CEP120: variants seen among roughly 807,000 people sequenced by gnomAD.
CEP120 encodes centrosomal protein 120, also known as centrosomal protein of 120 kDa.
CEP120 carries 113 observed loss-of-function variants against 126.5 expected under a neutral mutation model. That is an observed-to-expected ratio of 0.89 (90% CI 0.77 to 1.04). The LOEUF (loss-of-function observed/expected upper bound fraction) is 1.04, where lower values mean the gene tolerates loss of function less well. CEP120 is among the 50% of genes least tolerant of loss of function. The pLI, the probability that CEP120 is intolerant of heterozygous loss-of-function variation, is 0.00. For synonymous variants in CEP120, 400 were observed against 394.3 expected, an observed-to-expected ratio of 1.01 and a Z score of -0.17; for missense variants, 1,230 against 1,155.7, an observed-to-expected ratio of 1.06 and a Z score of -0.93.
chr5:123,372,637 T>A lies in CEP120; in HGVS notation c.2481+13A>T. 6.2e-7 allele frequency: 1 copy of A among 1,611,082 alleles called. No individual in the cohort carries two copies. Among genetic ancestry groups the A allele is most frequent in the South Asian group, 1.1e-5 (1 of 90,906 alleles). On this transcript the variant is annotated intron_variant, in intron 17 of 19. Transcript: ENST00000306467. The stretch of plus-strand genomic sequence containing the variant: ...CTGGGACTAGTTAAACTGCACAAAA[T>A]TAACATGTGTACCTTTTCCAAGGTG...
chr5:123,402,936 C>A (rs1324552494), intron 4 of CEP120, among the ~76,000 whole-genome samples: 1 of 152,162 alleles, frequency 6.6e-6, no homozygotes, highest in Non-Finnish European at 1.5e-5. Flanking sequence ...GCTCTTCAGC[C>A]TTCCAATATG....
At chr5:123,379,771 A>G (rs1701115341) in intron 14 of CEP120, among the ~76,000 whole-genome samples, 2 of 152,094 alleles carry the variant, frequency 1.3e-5, no homozygotes, top group Admixed American at 1.3e-4. Context: ...ATCAAACTAC[A>G]TATAATTTTC....
chr5:123,349,930 T>A lies in CEP120; in HGVS notation c.2726+14A>T, dbSNP rs115044327. ...AACTTTGGCTTTTGAAAGAAACACTTTTAGTTATTATACCTGTTCAATTCA... is the reference window on the plus strand; with the variant it reads ...AACTTTGGCTTTTGAAAGAAACACTATTAGTTATTATACCTGTTCAATTCA... On this transcript the variant is annotated intron_variant, in intron 19 of 19. Coordinates refer to ENST00000306467, the MANE Select transcript of CEP120 (RefSeq NM_001375405.1). The A allele has an allele frequency of 6.1e-4, 981 of 1,607,622 alleles. 11 individuals carry two copies. In the African/African-American group the frequency reaches 0.012, roughly 20 times the overall value.
intron 2 of CEP120, among the ~76,000 whole-genome samples, chr5:123,417,373 A>C (rs1356861682): frequency 6.6e-6 from 1 of 152,174 alleles, no homozygotes; most frequent in Non-Finnish European, 1.5e-5. Context: ...TGTTTTCCAG[A>C]AGAAAATATA....
intron 18 of CEP120, among the ~76,000 whole-genome samples, chr5:123,355,425 C>T (rs1293952285): frequency 5.3e-5 from 8 of 152,150 alleles, no homozygotes; most frequent in Non-Finnish European, 1.2e-4. Flanking sequence ...GTTCCTATTT[C>T]TCCATATCCT....
At chr5:123,387,361 G>A (rs1226144946) in intron 9 of CEP120, among the ~76,000 whole-genome samples, 4 of 151,944 alleles carry the variant, frequency 2.6e-5, no homozygotes, top group African/African-American at 7.2e-5. Context: ...TGTCATTTCC[G>A]AGGAAAGTTA....
At chr5:123,422,478 T>A in intron 1 of CEP120, 1 of 1,531,704 alleles carries the variant, frequency 6.5e-7, no homozygotes, top group Non-Finnish European at 8.7e-7. Context: ...TTTTAAGGAA[T>A]GTATAATACA....
In CEP120 at chr5:123,346,769, C is replaced by G. The variant is rs1410568346; in HGVS notation, c.2727-16G>C. On this transcript the variant is annotated splice_polypyrimidine_tract_variant and intron_variant, in intron 19 of 19. Coordinates refer to ENST00000306467, the MANE Select transcript of CEP120 (RefSeq NM_001375405.1). ...TTGCCTTAACCTGAGAAGTCAAGAA[C>G]AAATGCCACTGTAGCAACTGTGTTG... is the stretch of plus-strand genomic sequence containing the variant. The G allele has an allele frequency of 3.2e-6, 5 of 1,546,796 alleles. No homozygotes were observed. The highest frequency in any genetic ancestry group is 4.4e-6 in the Non-Finnish European group (5 of 1,143,662).
At position 123,423,335 on chromosome 5, in the gene CEP120, C is replaced by T; in HGVS notation, c.-337G>A. The T allele has an allele frequency of 2.9e-6, 1 of 347,530 alleles. No individual in the cohort carries two copies. The highest frequency in any genetic ancestry group is 3.6e-5 in the South Asian group (1 of 27,836). 21.5% of individuals were successfully genotyped at this position (347,530 alleles called of 1,614,324 possible). The stretch of plus-strand genomic sequence containing the variant: ...ACGCCCGGGCGGCCGCAGCGGCCGC[C>T]GCCGCGCCCAGCTTCCGCCTAGCAA... On this transcript the variant is annotated 5_prime_UTR_variant, in exon 1 of 20. Coordinates refer to ENST00000306467, the MANE Select transcript of CEP120 (RefSeq NM_001375405.1).
In CEP120 at chr5:123,346,769, C is replaced by A; in HGVS notation, c.2727-16G>T. ...TTGCCTTAACCTGAGAAGTCAAGAA[C>A]AAATGCCACTGTAGCAACTGTGTTG... On this transcript the variant is annotated splice_polypyrimidine_tract_variant and intron_variant, in intron 19 of 19. Coordinates refer to ENST00000306467, the MANE Select transcript of CEP120 (RefSeq NM_001375405.1). 1 of 1,546,910 alleles carries A rather than the reference C, an allele frequency of 6.5e-7. No homozygotes were observed.
rs113722971 is a variant in CEP120 at position 123,369,377 on chromosome 5, T to C, written c.2481+3273A>G. 2.4e-3 allele frequency among the ~76,000 whole-genome samples: 359 copies of C among 152,142 alleles called. 2 individuals are homozygous for C. Among genetic ancestry groups the C allele is most frequent in the African/African-American group, 8.2e-3 (341 of 41,538 alleles). On this transcript the variant is annotated intron_variant, in intron 17 of 19. Coordinates refer to ENST00000306467, the MANE Select transcript of CEP120 (RefSeq NM_001375405.1). ...AATAAGTACAGAGAAGTAAACTAAG[T>C]GGCAGAGCTAGGATTTGAACCAAGG...
intron 17 of CEP120, among the ~76,000 whole-genome samples, chr5:123,371,582 C>T (rs574397210): frequency 3.5e-4 from 54 of 152,116 alleles, no homozygotes; most frequent in African/African-American, 9.1e-4. Context: ...AAATGCTCAC[C>T]GGAGCTCTGT....
chr5:123,367,209 T>A (rs1770527462), intron 17 of CEP120, among the ~76,000 whole-genome samples: 1 of 151,946 alleles, frequency 6.6e-6, no homozygotes, highest in Non-Finnish European at 1.5e-5. Context: ...TTTTCTCTTA[T>A]CTTTCCCATT....
At chr5:123,420,956 A>C (rs368818270) in intron 1 of CEP120, among the ~76,000 whole-genome samples, 15 of 152,176 alleles carry the variant, frequency 9.9e-5, no homozygotes, top group East Asian at 9.6e-4. Context: ...GATGAATGGA[A>C]ATACAGTACG....
At chr5:123,370,669 A>G (rs1197170786) in intron 17 of CEP120, among the ~76,000 whole-genome samples, 2 of 91,218 alleles carry the variant, frequency 2.2e-5, no homozygotes, top group Non-Finnish European at 4.4e-5. Flanking sequence ...ATATATACAT[A>G]TATGTGTGTG....
At chr5:123,388,751 A>G in intron 8 of CEP120, 145 bp from the exon 9 acceptor site, 1 of 548,640 alleles carries the variant, frequency 1.8e-6, no homozygotes, top group African/African-American at 1.9e-5. Context: ...ATTGAGGTAT[A>G]AGTATCTTAA....
chr5:123,403,382 G>A (rs1193836254), intron 4 of CEP120: 1 of 442,942 alleles, frequency 2.3e-6, no homozygotes, highest in Non-Finnish European at 4.5e-6. Context: ...GAATCATGGA[G>A]ACATTCAAAA....
At chr5:123,377,625 T>C (rs974288384) in intron 15 of CEP120, 90 bp from the exon 16 acceptor site, 2 of 956,932 alleles carry the variant, frequency 2.1e-6, no homozygotes, top group Non-Finnish European at 3.0e-6. Context: ...CACTCAAATG[T>C]TGAGGATATT....
intron 1 of CEP120, among the ~76,000 whole-genome samples, chr5:123,421,744 G>C (rs1375171262): frequency 6.6e-6 from 1 of 152,080 alleles, no homozygotes; most frequent in East Asian, 1.9e-4. Flanking sequence ...CTCATAGCAT[G>C]GTCAGTTATA....
Sources: allele counts gnomAD v4.1 joint callset (sites outside exome capture counted in the v4.1 genomes callset), GRCh38; gene constraint gnomAD v4.1.1; transcripts MANE v1.5; gene names NCBI Gene and HGNC (gene_info 2026-07-23, HGNC 2026-07-21).